HERC6: variants seen among roughly 807,000 people sequenced by gnomAD.
HERC6 encodes HECT and RLD domain containing E3 ubiquitin protein ligase family member 6.
In HERC6, 101 loss-of-function variants were observed where a neutral mutation model predicts 114.5. That is an observed-to-expected ratio of 0.88 (90% confidence interval 0.75 to 1.04). The LOEUF is 1.04. HERC6 is among the 50% of genes least tolerant of loss of function. HERC6 has a pLI of 0.00. For missense variants in HERC6, 1,133 were observed against 1,230.9 expected, an observed-to-expected ratio of 0.92 and a Z score of 1.19; for synonymous variants, 408 against 436.2, an observed-to-expected ratio of 0.94 and a Z score of 0.81.
At chr4:88,440,403 A>T in intron 22 of HERC6, 153 bp downstream of exon 22, 1 of 602,572 alleles carries the variant, frequency 1.7e-6, no homozygotes, top group Non-Finnish European at 2.9e-6. Flanking sequence ...ACATGGACAC[A>T]CACAAAGGGT....
rs578217140 is a variant in HERC6 at position 88,379,126 on chromosome 4, C to G, written c.199+6C>G. The G allele has an allele frequency of 3.7e-5, 57 of 1,536,228 alleles. No individual in the cohort carries two copies. Among genetic ancestry groups the G allele is most frequent in the Admixed American group, 2.8e-4 (14 of 50,740 alleles). On this transcript the variant is annotated splice_donor_region_variant and intron_variant, in intron 1 of 22. Transcript: ENST00000264346. ...GCAGCGCGGGGAGCTGCCAGGTGAGCGGGGGGCCCCAGGTGCAGGGTGTGA... is the reference window on the plus strand; with the variant it reads ...GCAGCGCGGGGAGCTGCCAGGTGAGGGGGGGGCCCCAGGTGCAGGGTGTGA...
Position 88,440,817 on chromosome 4 carries a change from G to T in HERC6, c.2842+567G>T, listed in dbSNP as rs140543622. On this transcript the variant is annotated intron_variant, in intron 22 of 22. Transcript: ENST00000264346. The stretch of plus-strand genomic sequence containing the variant: ...GCCTTCTTATCTATGTTTGCAGCCC[G>T]ATATTCCAGGCTGCTCTTTGTTAGA... Among the ~76,000 whole-genome samples, 505 of 152,294 alleles carry T rather than the reference G, an allele frequency of 3.3e-3. 4 individuals carry two copies. Among genetic ancestry groups the T allele is most frequent in the African/African-American group, 0.012 (481 of 41,554 alleles).
Position 88,383,423 on chromosome 4 carries a change from G to A in HERC6, c.359+43G>A, listed in dbSNP as rs1460960277. On this transcript the variant is annotated intron_variant, in intron 2 of 22. Coordinates refer to ENST00000264346, the MANE Select transcript of HERC6 (RefSeq NM_017912.4). ...CTCCTTCATTTATTCAATATATATAGTACCATGTGCCAGGCACTGTGCAAG... is the reference window on the plus strand; with the variant it reads ...CTCCTTCATTTATTCAATATATATAATACCATGTGCCAGGCACTGTGCAAG... The A allele has an allele frequency of 4.3e-6, 6 of 1,410,848 alleles. No homozygotes were observed. In the African/African-American group the frequency reaches 5.9e-5, roughly 14 times the overall value. 87.4% of individuals were successfully genotyped at this position (1,410,848 alleles called of 1,614,324 possible). A position where few individuals can be genotyped will look rare whatever the true frequency, so the allele number is the denominator to read the frequency against.
intron 1 of HERC6, among the ~76,000 whole-genome samples, chr4:88,381,630 T>A (rs1734328436): frequency 6.8e-6 from 1 of 146,812 alleles, no homozygotes; most frequent in Non-Finnish European, 1.5e-5. Context: ...CTATCTCGGC[T>A]CACTGCAACC....
At chr4:88,418,773 C>G (rs1228444707) in intron 13 of HERC6, among the ~76,000 whole-genome samples, 1 of 152,184 alleles carries the variant, frequency 6.6e-6, no homozygotes, top group Non-Finnish European at 1.5e-5. Context: ...GTTGCCCAGG[C>G]TGGAGTGCAG....
At chr4:88,398,120 T>C (rs772192451) in intron 7 of HERC6, 22 bp from the exon 8 acceptor site, 10 of 1,510,010 alleles carry the variant, frequency 6.6e-6, no homozygotes, top group Admixed American at 4.4e-5. Flanking sequence ...ACTCTAAGCA[T>C]GGATTTATGA....
chr4:88,390,365 G>A (rs1201525772), intron 3 of HERC6, among the ~76,000 whole-genome samples: 1 of 151,934 alleles, frequency 6.6e-6, no homozygotes, highest in Non-Finnish European at 1.5e-5. Flanking sequence ...ATAGTACATT[G>A]TATACTTGAA....
intron 2 of HERC6, 35 bp from the exon 3 acceptor site, chr4:88,385,464 A>G (rs1328443965): frequency 5.9e-6 from 6 of 1,024,642 alleles, no homozygotes; most frequent in Non-Finnish European, 8.7e-6. Context: ...CGCTCTAAAT[A>G]AGGATTAATC....
At chr4:88,419,496 G>A (rs1736821264) in intron 13 of HERC6, among the ~76,000 whole-genome samples, 1 of 152,210 alleles carries the variant, frequency 6.6e-6, no homozygotes, top group Non-Finnish European at 1.5e-5. Context: ...TTCCAGAGAA[G>A]TAGACCAGAG....
At chr4:88,441,059 T>A (rs531661405) in intron 22 of HERC6, among the ~76,000 whole-genome samples, 1 of 152,198 alleles carries the variant, frequency 6.6e-6, no homozygotes, top group South Asian at 2.1e-4. Flanking sequence ...TTTTTTTTTT[T>A]AAGTAGAGAT....
chr4:88,417,947 TAA>T (rs5860133), intron 13 of HERC6, among the ~76,000 whole-genome samples: 28 of 144,096 alleles, frequency 1.9e-4, no homozygotes, highest in African/African-American at 2.0e-4. Context: ...CCACATTTCT[TAA>T]AAAAAAAAAA....
rs1736592711 is a variant in HERC6 at position 88,417,429 on chromosome 4, G to C, written c.1563G>C (p.Lys521Asn). Residue 521 changes from lysine to asparagine, a missense_variant, in exon 13 of 23, where the codon AAG becomes AAC. This residue lies in a region of HERC6 where 735 missense variants were observed against 754.0 expected (regional missense o/e 0.97). Coordinates refer to ENST00000264346, the MANE Select transcript of HERC6 (RefSeq NM_017912.4). ...MSKQSLQVLK[K>N]CWAFLQESSL... is the part of the protein sequence containing the mutation. ...TGGCTAATTTTACACCCCCAGAGAA[G>C]TGTTGGGCATTTTTGCAAGAATCTT... 1.2e-6 allele frequency: 2 copies of C among 1,608,454 alleles called. No homozygotes were observed. Among genetic ancestry groups the C allele is most frequent in the Admixed American group, 1.7e-5 (1 of 59,270 alleles).
chr4:88,407,577 T>G (rs1273318422), intron 10 of HERC6, among the ~76,000 whole-genome samples: 1 of 152,002 alleles, frequency 6.6e-6, no homozygotes, highest in Admixed American at 6.6e-5. Flanking sequence ...TTTTTTTTTT[T>G]TTAATTTTTT....
intron 13 of HERC6, among the ~76,000 whole-genome samples, chr4:88,422,598 T>G (rs1465019490): frequency 8.3e-6 from 1 of 121,186 alleles, no homozygotes; most frequent in East Asian, 3.7e-4. Context: ...TAACACAGCC[T>G]GCTCATGTGT....
At chr4:88,381,217 C>T (rs149208886) in intron 1 of HERC6, among the ~76,000 whole-genome samples, 1 of 152,020 alleles carries the variant, frequency 6.6e-6, no homozygotes, top group African/African-American at 2.4e-5. Context: ...TTTCCTCTAC[C>T]CTCTTAGGTT....
At position 88,404,923 on chromosome 4, in the gene HERC6, C is replaced by A. The variant is rs1735745968; in HGVS notation, c.1140C>A (p.Ser380Arg). The part of the protein sequence containing the change: ...RAPGKTLPEI[S>R]RISQSMAEKW... ...CCGGGAAAACCCTGCCAGAAATAAG[C>A]CGAATTAGCCAGTCCATGGCAGAAA... Residue 380 changes from serine to arginine, a missense_variant, in exon 9 of 23, where the codon AGC becomes AGA. This residue lies in a region of HERC6 where 735 missense variants were observed against 754.0 expected (regional missense o/e 0.97). Coordinates refer to ENST00000264346, the MANE Select transcript of HERC6 (RefSeq NM_017912.4). 1.2e-6 allele frequency: 2 copies of A among 1,613,718 alleles called. No individual in the cohort carries two copies. Among genetic ancestry groups the A allele is most frequent in the Non-Finnish European group, 1.7e-6 (2 of 1,179,750 alleles).
At position 88,437,143 on chromosome 4, in the gene HERC6, G is replaced by A. The variant is rs564136399; in HGVS notation, c.2484+172G>A. Among the ~76,000 whole-genome samples, 39 of 151,430 alleles carry A rather than the reference G, an allele frequency of 2.6e-4. No homozygotes were observed. In the East Asian group the frequency reaches 6.0e-3, roughly 23 times the overall value. ...GCGATCTCGGTTCACTGCAGCCTCC[G>A]CCTCCTGGGTTCAAGTGATTCTCCT... On this transcript the variant is annotated intron_variant, in intron 19 of 22. Transcript: ENST00000264346.
At chr4:88,436,866 A>T (rs775495704) in intron 18 of HERC6, 39 bp from the exon 19 acceptor site, 1 of 1,394,430 alleles carries the variant, frequency 7.2e-7, no homozygotes, top group Non-Finnish European at 1.0e-6. Flanking sequence ...ACTTTATAAG[A>T]TCAATAAATA....
At chr4:88,379,787 C>T (rs1278527028) in intron 1 of HERC6, among the ~76,000 whole-genome samples, 14 of 52,040 alleles carry the variant, frequency 2.7e-4, no homozygotes, top group African/African-American at 7.8e-4. Context: ...ATATATATAA[C>T]ATATAAATAT....
Sources: allele counts gnomAD v4.1 joint callset (sites outside exome capture counted in the v4.1 genomes callset), GRCh38; gene constraint gnomAD v4.1.1; regional missense constraint gnomAD v4.1.1; transcripts MANE v1.5; gene names NCBI Gene and HGNC (gene_info 2026-07-23, HGNC 2026-07-21).